Variants in MEGF10 observed in about 807,000 individuals in gnomAD.
MEGF10 encodes multiple EGF like domains 10, also known as multiple epidermal growth factor-like domains protein 10.
Under a neutral mutation model 147.5 loss-of-function variants are expected in MEGF10, and 86 were observed. The ratio of observed to expected loss-of-function variants is 0.58; its 90% confidence interval spans 0.49 to 0.70. The LOEUF (loss-of-function observed/expected upper bound fraction) is 0.70. Among genes scored for constraint, MEGF10 ranks in the 30% least tolerant of loss-of-function variants. The probability of loss-of-function intolerance (pLI) is 0.00; values close to 1 mark genes in which losing one functional copy is unlikely to be tolerated. For missense variants in MEGF10, 1,329 were observed against 1,487.3 expected (o/e 0.89, Z 1.75); for synonymous variants, 478 against 525.5 (o/e 0.91, Z 1.24).
chr5:127,338,916 G>C lies in MEGF10; in HGVS notation c.117-204G>C, dbSNP rs570033173. On this transcript the variant is annotated intron_variant, in intron 2 of 24. Coordinates refer to ENST00000503335, the MANE Select transcript of MEGF10 (RefSeq NM_001256545.2). ...TTCTTTAAAATTTACAGCACAAATC[G>C]TTGTATTTTAAATGTATTGTTAAAA... Among the ~76,000 whole-genome samples the C allele has an allele frequency of 2.0e-5, 3 of 152,026 alleles. No homozygotes were observed. In the East Asian group the frequency reaches 5.8e-4, roughly 29 times the overall value.
intron 13 of MEGF10, among the ~76,000 whole-genome samples, chr5:127,430,739 G>A (rs770967683): frequency 6.6e-6 from 1 of 152,174 alleles, no homozygotes; most frequent in Non-Finnish European, 1.5e-5. Context: ...GAGGAGGAAA[G>A]ACAACTCCAC....
intron 14 of MEGF10, 51 bp downstream of exon 14, chr5:127,433,560 T>C: frequency 6.5e-7 from 1 of 1,546,706 alleles, no homozygotes. Context: ...CTGGGCACCA[T>C]GTATCGAATA....
chr5:127,366,376 C>T (rs141887685), intron 4 of MEGF10, among the ~76,000 whole-genome samples: 62 of 152,148 alleles, frequency 4.1e-4, no homozygotes, highest in African/African-American at 1.3e-3. Context: ...CTTGTATAAG[C>T]GAGTCTAATG....
rs572722246 is a variant in MEGF10 at position 127,330,109 on chromosome 5, A to G, written c.-18-1182A>G. On this transcript the variant is annotated intron_variant, in intron 1 of 24. Transcript: ENST00000503335. The stretch of plus-strand genomic sequence containing the variant: ...AATCCCCACAAGGGGCTAAACCAGA[A>G]GCTCCTCCCCTCCCTTAATCCATGT... Among the ~76,000 whole-genome samples, 6 of 152,142 alleles carry G rather than the reference A, an allele frequency of 3.9e-5. No homozygotes were observed. In the East Asian group the frequency reaches 1.2e-3, roughly 29 times the overall value.
At position 127,327,392 on chromosome 5, in the gene MEGF10, G is replaced by A. The variant is rs905939081; in HGVS notation, c.-18-3899G>A. Among the ~76,000 whole-genome samples, 7 of 152,230 alleles carry A rather than the reference G, an allele frequency of 4.6e-5. No individual in the cohort carries two copies. The South Asian group carries it at 1.5e-3, about 32-fold the overall frequency. On this transcript the variant is annotated intron_variant, in intron 1 of 24. Coordinates refer to ENST00000503335, the MANE Select transcript of MEGF10 (RefSeq NM_001256545.2). ...TAGCCAACACCCAATTTAGAGATTT[G>A]AATATATTCAAAATGTCTATCTTAA...
intron 4 of MEGF10, among the ~76,000 whole-genome samples, chr5:127,353,088 A>G (rs543809471): frequency 3.2e-4 from 49 of 152,176 alleles, no homozygotes; most frequent in African/African-American, 1.2e-3. Context: ...TTCTCCTACT[A>G]CCTACCTCTC....
intron 4 of MEGF10, among the ~76,000 whole-genome samples, chr5:127,346,113 G>A (rs1231850786): frequency 1.3e-5 from 2 of 152,092 alleles, no homozygotes; most frequent in Non-Finnish European, 2.9e-5. Flanking sequence ...GTTGATTGAT[G>A]GGCATTTCGG....
chr5:127,367,561 T>G (rs1762702127), intron 4 of MEGF10, among the ~76,000 whole-genome samples: 1 of 152,194 alleles, frequency 6.6e-6, no homozygotes, highest in African/African-American at 2.4e-5. Context: ...CACAAAAGTC[T>G]GAAATTCAAG....
At chr5:127,324,795 A>G (rs1285692098) in intron 1 of MEGF10, among the ~76,000 whole-genome samples, 4 of 152,196 alleles carry the variant, frequency 2.6e-5, no homozygotes, top group Non-Finnish European at 5.9e-5. Context: ...TATCACCACC[A>G]AACACCACCC....
chr5:127,251,820 A>G, the MEGF10 span, among the ~76,000 whole-genome samples: 5 of 151,950 alleles, frequency 3.3e-5, no homozygotes, highest in Admixed American at 2.6e-4. Context: ...TTAAAAGGAA[A>G]CTTCTGCATG....
chr5:127,409,632 A>T (rs905754267), intron 8 of MEGF10: 1 of 152,400 alleles, frequency 6.6e-6, no homozygotes, highest in African/African-American at 2.4e-5. Context: ...TTTTAAAAAG[A>T]TAATGAAGTG....
the MEGF10 span, among the ~76,000 whole-genome samples, chr5:127,278,949 T>C: frequency 1.3e-5 from 2 of 152,178 alleles, no homozygotes; most frequent in East Asian, 1.9e-4. Flanking sequence ...TAGTCATGAA[T>C]TTAGAGTGAT....
chr5:127,433,483 G>C lies in MEGF10; in HGVS notation c.1814G>C (p.Gly605Ala), dbSNP rs138022464. 9 of 1,610,508 alleles carry C rather than the reference G, an allele frequency of 5.6e-6. No individual in the cohort carries two copies. The highest frequency in any genetic ancestry group is 6.8e-6 in the Non-Finnish European group (8 of 1,178,366). ...GATGGCATCTGCGAGTGTGCACCAG[G>C]CTTCCGAGGCACCACTTGTCAGAGG... is the stretch of plus-strand genomic sequence containing the variant. ...PDDGICECAP[G>A]FRGTTCQRIC... The change falls in exon 14 of 25, where the codon GGC becomes GCC. Residue 605 changes from glycine (G) to alanine (A), a missense_variant. This residue lies in a region of MEGF10 where 980 missense variants were observed against 1,085.9 expected (regional missense o/e 0.90). Coordinates refer to ENST00000503335, the MANE Select transcript of MEGF10 (RefSeq NM_001256545.2).
At chr5:127,352,839 C>A (rs878963982) in intron 4 of MEGF10, among the ~76,000 whole-genome samples, 1 of 152,156 alleles carries the variant, frequency 6.6e-6, no homozygotes, top group South Asian at 2.1e-4. Flanking sequence ...GATTTGGGGG[C>A]TGATAAAGAA....
intron 5 of MEGF10, among the ~76,000 whole-genome samples, chr5:127,383,245 A>G (rs1763318842): frequency 1.3e-5 from 2 of 152,204 alleles, no homozygotes; most frequent in African/African-American, 4.8e-5. Context: ...ATGTAGTGAA[A>G]TGTTACATAG....
At position 127,412,437 on chromosome 5, in the gene MEGF10, T is replaced by A. The variant is rs73783789; in HGVS notation, c.1130+1836T>A. ...CTTCAAACCAAAAGGCATAGAATCC[T>A]TGTATTAATTGAAAGTCTAGTTTGT... On this transcript the variant is annotated intron_variant, in intron 9 of 24. Transcript: ENST00000503335. Among the ~76,000 whole-genome samples, 712 of 152,330 alleles carry A rather than the reference T, an allele frequency of 4.7e-3. 6 individuals are homozygous for A. The highest frequency in any genetic ancestry group is 0.016 in the African/African-American group (676 of 41,578).
In MEGF10 at chr5:127,443,079, G is replaced by T; in HGVS notation, c.2444G>T (p.Gly815Val). The change falls in exon 19 of 25, where the codon GGG becomes GTG. Residue 815 changes from glycine (G) to valine (V), a missense_variant. By Grantham distance (109) the Gly-to-Val change is moderately radical (BLOSUM62 -3). Coordinates refer to ENST00000503335, the MANE Select transcript of MEGF10 (RefSeq NM_001256545.2). ...LNNSTCDHIT[G>V]TCYCSPGWKG... is the part of the protein sequence containing the mutation. ...AACTCCACCTGCGACCACATCACTG[G>T]GACCTGTTACTGCAGCCCCGGATGG... 1 of 1,613,738 alleles carries T rather than the reference G, an allele frequency of 6.2e-7. No individual in the cohort carries two copies. Among genetic ancestry groups the T allele is most frequent in the South Asian group, 1.1e-5 (1 of 91,026 alleles).
At chr5:127,261,524 G>A in the MEGF10 span, among the ~76,000 whole-genome samples, 6 of 152,052 alleles carry the variant, frequency 3.9e-5, no homozygotes, top group Admixed American at 6.6e-5. Flanking sequence ...GTTAATAAAC[G>A]TTTGGGTTAT....
chr5:127,247,398 GAAGAAGAAGAAGAAGAAGAAGAAGAA>G, the MEGF10 span, among the ~76,000 whole-genome samples: 1 of 47,658 alleles, frequency 2.1e-5, no homozygotes, highest in African/African-American at 1.0e-4. Flanking sequence ...AGAAGAAGAA[GAAGAAGAAGAAGAAGAAGAAGAAGAA>G]GAAGAAGAAG....
Sources: gnomAD v4.1 joint callset for allele counts (sites outside exome capture counted in the v4.1 genomes callset) on GRCh38, gnomAD v4.1.1 for gene constraint, gnomAD v4.1.1 regional missense constraint, MANE v1.5 for transcripts, NCBI Gene and HGNC (gene_info 2026-07-23, HGNC 2026-07-21) for gene names.